Variants in GIT2 observed in about 807,000 individuals in gnomAD.
GIT2 encodes ARF GTPase-activating protein GIT2.
A neutral mutation model predicts 100.3 loss-of-function variants in GIT2; 32 were observed. That is an observed-to-expected ratio of 0.32 (90% CI 0.24 to 0.43). GIT2 has a LOEUF of 0.43. GIT2 is among the 20% of genes least tolerant of loss of function. GIT2 has a pLI of 1.00. For missense variants in GIT2, 737 were observed against 975.1 expected (o/e 0.76, Z 3.25); for synonymous variants, 353 against 364.1 (o/e 0.97, Z 0.35).
At chr12:109,989,870 T>C in intron 2 of GIT2, 68 bp from the exon 3 acceptor site, 3 of 817,830 alleles carry the variant, frequency 3.7e-6, no homozygotes, top group East Asian at 2.4e-5. Flanking sequence ...GATCAGTGAC[T>C]GAACAGAGTA....
At chr12:109,977,521 T>C (rs1273750294) in intron 7 of GIT2, among the ~76,000 whole-genome samples, 1 of 150,568 alleles carries the variant, frequency 6.6e-6, no homozygotes, top group Non-Finnish European at 1.5e-5. Flanking sequence ...AAAATAATAA[T>C]AATAATAAAA....
At chr12:109,972,295 A>C (rs1182719786) in intron 7 of GIT2, among the ~76,000 whole-genome samples, 1 of 152,176 alleles carries the variant, frequency 6.6e-6, no homozygotes. Context: ...ACAGTCTTTC[A>C]TCATTAAATA....
upstream of GIT2, chr12:109,999,189 G>C (rs1889802948): frequency 1.3e-5 from 2 of 153,188 alleles, no homozygotes; most frequent in South Asian, 4.1e-4. This position sits in a 1 kb window ranked among gnomAD's most constrained non-coding sequence, Gnocchi z 4.3. Context: ...GAACCACATG[G>C]GGCTACTGGA....
chr12:109,965,386 T>C (rs1210146060), intron 9 of GIT2, 140 bp downstream of exon 9: 1 of 609,054 alleles, frequency 1.6e-6, no homozygotes, highest in Non-Finnish European at 3.0e-6. Context: ...TGCTGTATAC[T>C]CAACAGTCTG....
chr12:109,955,233 C>T (rs888110247), intron 12 of GIT2, among the ~76,000 whole-genome samples: 2 of 152,124 alleles, frequency 1.3e-5, no homozygotes, highest in African/African-American at 4.8e-5. Flanking sequence ...ACGCCATTCT[C>T]CTGCCTCAGC....
intron 7 of GIT2, among the ~76,000 whole-genome samples, chr12:109,973,648 G>A (rs901305711): frequency 6.6e-6 from 1 of 150,854 alleles, no homozygotes; most frequent in African/African-American, 2.4e-5. Context: ...CCTTCTTTCA[G>A]TTTCATTGAT....
In GIT2 at chr12:109,953,169, G is replaced by T; in HGVS notation, c.1165C>A (p.Gln389Lys). ...GATGCCACGCTGTCATAGTCGGGCT[G>T]ATCGTTGTCTTGACTCTCAACGCTG... ...QHSVESQDND[Q>K]PDYDSVASDE... The change falls in exon 13 of 20, where the codon CAG becomes AAG. Residue 389 changes from glutamine (Q) to lysine (K), a missense_variant. Gln to Lys is a moderately conservative substitution (Grantham distance 53). Around this residue, in one of 3 missense-constraint regions of GIT2, gnomAD observed 451 missense variants for 543.7 expected, o/e 0.83. Coordinates refer to ENST00000355312, the MANE Select transcript of GIT2 (RefSeq NM_057169.5). 1 of 1,613,776 alleles carries T rather than the reference G, an allele frequency of 6.2e-7. No individual in the cohort carries two copies. Among genetic ancestry groups the T allele is most frequent in the Non-Finnish European group, 8.5e-7 (1 of 1,179,654 alleles).
In GIT2 at chr12:109,962,148, T is replaced by C. The variant is rs1200258001; in HGVS notation, c.817-463A>G. Among the ~76,000 whole-genome samples the C allele has an allele frequency of 6.6e-6, 1 of 151,664 alleles. No homozygotes were observed. Among genetic ancestry groups the C allele is most frequent in the Non-Finnish European group, 1.5e-5 (1 of 67,922 alleles). ...CAGGTGGATTGCTTAAGCCCAGGAG[T>C]TCGAGACCAGCCTGGGCAACATGGT... On this transcript the variant is annotated intron_variant, in intron 9 of 19. Coordinates refer to ENST00000355312, the MANE Select transcript of GIT2 (RefSeq NM_057169.5). The surrounding 1 kb of genome is among the most constrained non-coding windows in gnomAD (Gnocchi z 4.3).
chr12:109,952,106 A>C (rs1878037301), intron 13 of GIT2, among the ~76,000 whole-genome samples: 1 of 152,160 alleles, frequency 6.6e-6, no homozygotes, highest in Non-Finnish European at 1.5e-5. Flanking sequence ...TGCATCTGCT[A>C]ATGACGCCAT....
At chr12:109,978,988 T>C (rs571297358) in intron 7 of GIT2, among the ~76,000 whole-genome samples, 1 of 152,220 alleles carries the variant, frequency 6.6e-6, no homozygotes, top group South Asian at 2.1e-4. Flanking sequence ...GTTCATATTT[T>C]TGTCTTAGCA....
At position 109,933,250 on chromosome 12, in the gene GIT2, GACAA is replaced by G. The variant is rs1592929429; in HGVS notation, c.2068-64_2068-61del. Reference sequence around the variant, plus strand: ...GCAGGGCAGACATCCAAAAGCAGGGGACAAACATTCTTCTAAAGCAAACCAAGCT... The same window carrying G: ...GCAGGGCAGACATCCAAAAGCAGGGGACATTCTTCTAAAGCAAACCAAGCT... On this transcript the variant is annotated intron_variant, in intron 19 of 19. Transcript: ENST00000355312. This position sits in a 1 kb window ranked among gnomAD's most constrained non-coding sequence, Gnocchi z 4.5. 3.0e-6 allele frequency: 3 copies of G among 1,014,788 alleles called. No homozygotes were observed. The East Asian group carries it at 7.9e-5, about 27-fold the overall frequency. 62.9% of individuals were successfully genotyped at this position (1,014,788 alleles called of 1,614,324 possible). A position where few individuals can be genotyped will look rare whatever the true frequency, so the allele number is the denominator to read the frequency against.
intron 8 of GIT2, 46 bp from the exon 9 acceptor site, chr12:109,965,623 T>G (rs1226387258): frequency 8.4e-7 from 1 of 1,188,140 alleles, no homozygotes. Context: ...AAAGCCAGAC[T>G]TGTGAACTCT....
chr12:109,986,532 A>C (rs1593145166), intron 4 of GIT2, among the ~76,000 whole-genome samples: 1 of 152,284 alleles, frequency 6.6e-6, no homozygotes, highest in East Asian at 1.9e-4. Context: ...TGGGAGGCCG[A>C]GGTGGGCGGA....
chr12:109,988,870 A>C (rs1887878784), intron 4 of GIT2, 93 bp downstream of exon 4: 2 of 593,442 alleles, frequency 3.4e-6, no homozygotes, highest in African/African-American at 1.9e-5. Flanking sequence ...AAAAAAAAAA[A>C]AGCCCACAAC....
intron 1 of GIT2, among the ~76,000 whole-genome samples, chr12:109,995,643 TG>T (rs1287744983): frequency 6.6e-6 from 1 of 152,178 alleles, no homozygotes; most frequent in Non-Finnish European, 1.5e-5. Flanking sequence ...TGGTTGTGTT[TG>T]GAAGACCCCG....
At chr12:109,973,526 A>G (rs1052255532) in intron 7 of GIT2, among the ~76,000 whole-genome samples, 1 of 151,948 alleles carries the variant, frequency 6.6e-6, no homozygotes, top group African/African-American at 2.4e-5. Context: ...TTTTGTCAGT[A>G]TTGCCAGACA....
Position 109,983,408 on chromosome 12 carries a change from C to T in GIT2, c.588G>A (p.Gln196=). The change falls in exon 6 of 20, where the codon CAG becomes CAA. Residue 196 remains glutamine (Q), a synonymous_variant. Transcript: ENST00000355312. Reference sequence around the variant, plus strand: ...CAACGGGAGTTTTCCCACTAGAATCCTGTGTGCCTGGGTCTGCTCCATATA... The same window carrying T: ...CAACGGGAGTTTTCCCACTAGAATCTTGTGTGCCTGGGTCTGCTCCATATA... ...LAVYGADPGT[Q]DSSGKTPVDY... The T allele has an allele frequency of 1.2e-6, 2 of 1,613,892 alleles. No homozygotes were observed. Among genetic ancestry groups the T allele is most frequent in the Non-Finnish European group, 1.7e-6 (2 of 1,179,804 alleles).
At chr12:109,971,845 T>C (rs1244200101) in intron 7 of GIT2, among the ~76,000 whole-genome samples, 2 of 151,582 alleles carry the variant, frequency 1.3e-5, no homozygotes, top group Non-Finnish European at 2.9e-5. Context: ...ATACAAAAAA[T>C]TAGCCAGGCA....
At chr12:109,997,136 T>C (rs1593185153), upstream of GIT2, among the ~76,000 whole-genome samples, 1 of 131,976 alleles carries the variant, frequency 7.6e-6, no homozygotes, top group Non-Finnish European at 1.5e-5. Flanking sequence ...ACCCAGGGGG[T>C]GGAGGTTGCA....
Sources: gnomAD v4.1 joint callset for allele counts (sites outside exome capture counted in the v4.1 genomes callset) on GRCh38, gnomAD v4.1.1 for gene constraint, gnomAD v4.1.1 regional missense constraint, Gnocchi (gnomAD v3.1) non-coding constraint, MANE v1.5 for transcripts, NCBI Gene and HGNC (gene_info 2026-07-23, HGNC 2026-07-21) for gene names.